The following KHDRBS2 variants were observed in gnomAD, a reference collection of about 807,000 sequenced individuals.
The protein encoded by KHDRBS2 is KH domain-containing, RNA-binding, signal transduction-associated protein 2.
Under a neutral mutation model 44.3 loss-of-function variants are expected in KHDRBS2, and 26 were observed. The observed-to-expected ratio is 0.59, with a 90% confidence interval of 0.43 to 0.81. KHDRBS2 has a LOEUF of 0.81. Among genes scored for constraint, KHDRBS2 ranks in the 40% least tolerant of loss-of-function variants. The probability of loss-of-function intolerance (pLI) is 0.00; values close to 1 mark genes in which losing one functional copy is unlikely to be tolerated. For missense variants in KHDRBS2, 476 were observed against 433.1 expected (o/e 1.10, Z -0.88); for synonymous variants, 194 against 151.1 (o/e 1.28, Z -2.08).
intron 3 of KHDRBS2, among the ~76,000 whole-genome samples, chr6:61,978,891 G>A (rs1254224776): frequency 2.0e-5 from 3 of 151,944 alleles, no homozygotes; most frequent in Non-Finnish European, 2.9e-5. Context: ...ATACTAGGTT[G>A]GTGGAAAAGC....
At chr6:61,988,094 C>A (rs1775408583) in intron 3 of KHDRBS2, among the ~76,000 whole-genome samples, 1 of 152,148 alleles carries the variant, frequency 6.6e-6, no homozygotes, top group Non-Finnish European at 1.5e-5. Context: ...GTTTACTTAT[C>A]TTGGGTTTGT....
At chr6:62,209,539 A>G (rs1585214730) in intron 1 of KHDRBS2, among the ~76,000 whole-genome samples, 1 of 105,020 alleles carries the variant, frequency 9.5e-6, no homozygotes, top group Admixed American at 8.8e-5. Context: ...ACAGATTGCC[A>G]TTTAGAACTA....
chr6:61,677,234 T>A (rs1006820903), downstream of KHDRBS2, among the ~76,000 whole-genome samples: 1 of 151,890 alleles, frequency 6.6e-6, no homozygotes, highest in African/African-American at 2.4e-5. Context: ...TAACAACCTA[T>A]AGCTGGTTGT....
Position 61,950,124 on chromosome 6 carries a change from T to C in KHDRBS2, c.483+27942A>G, listed in dbSNP as rs541813370. Among the ~76,000 whole-genome samples the C allele has an allele frequency of 3.3e-5, 5 of 152,182 alleles. No individual in the cohort carries two copies. The South Asian group carries it at 8.3e-4, about 25-fold the overall frequency. On this transcript the variant is annotated intron_variant, in intron 4 of 8. Transcript: ENST00000281156. ...TCCTGTATGTTTGGGAATAGCACTC[T>C]TTGGCAAGTTTATTGGGTGACAGCT...
chr6:61,569,725 A>G, the KHDRBS2 span, among the ~76,000 whole-genome samples: 43 of 152,268 alleles, frequency 2.8e-4, no homozygotes, highest in Admixed American at 2.7e-3. Context: ...CAGCTAGAAG[A>G]CCTGAAGACA....
chr6:62,171,708 G>A lies in KHDRBS2; in HGVS notation c.219+5477C>T, dbSNP rs549189155. ...GGCAGGCCACCTACAAAGGAAACCC[G>A]ATCTGGCTAACAACAGTCCTATCAG... On this transcript the variant is annotated intron_variant, in intron 2 of 8. Transcript: ENST00000281156. 2.6e-5 allele frequency among the ~76,000 whole-genome samples: 4 copies of A among 152,220 alleles called. No homozygotes were observed. The South Asian group carries it at 6.2e-4, about 24-fold the overall frequency.
intron 6 of KHDRBS2, among the ~76,000 whole-genome samples, chr6:61,774,025 T>C (rs1019848737): frequency 2.0e-5 from 3 of 152,164 alleles, no homozygotes; most frequent in Admixed American, 6.5e-5. Flanking sequence ...GTACCAGTAC[T>C]ATGCTGTTTT....
At position 62,277,534 on chromosome 6, in the gene KHDRBS2, G is replaced by A. The variant is rs139602337; in HGVS notation, c.91+8324C>T. ...TTTTTTTGTATTTTTAGTAGAGATG[G>A]GGTTTCACCGTGTTAGGCAGGATGG... On this transcript the variant is annotated intron_variant, in intron 1 of 8. Transcript: ENST00000281156. 2.6e-3 allele frequency among the ~76,000 whole-genome samples: 389 copies of A among 152,154 alleles called. 2 individuals carry two copies. The highest frequency in any genetic ancestry group is 8.6e-3 in the African/African-American group (356 of 41,512).
chr6:62,252,241 A>T (rs968507355), intron 1 of KHDRBS2, among the ~76,000 whole-genome samples: 6 of 152,042 alleles, frequency 3.9e-5, no homozygotes, highest in African/African-American at 1.4e-4. Context: ...ACTTGTTTGC[A>T]GCAATACTTC....
chr6:61,624,195 T>A, the KHDRBS2 span, among the ~76,000 whole-genome samples: 1 of 152,162 alleles, frequency 6.6e-6, no homozygotes, highest in Non-Finnish European at 1.5e-5. Context: ...AAACGATTTG[T>A]CCAGTGACTT....
the KHDRBS2 span, among the ~76,000 whole-genome samples, chr6:61,610,196 A>G: frequency 1.2e-5 from 1 of 82,374 alleles, no homozygotes; most frequent in African/African-American, 4.4e-5. Flanking sequence ...TTTAAAAAAA[A>G]AAATTGAAAA....
chr6:61,894,663 G>A lies in KHDRBS2; in HGVS notation c.782C>T (p.Pro261Leu), dbSNP rs574426212. The part of the protein sequence containing the change: ...PTVPGYRAPP[P>L]PAHEAYEEYG... Reference sequence around the variant, plus strand: ...TTCTTCATAAGCTTCATGGGCTGGAGGAGGAGGTGCCCTGTATCCTGGCAC... The same window carrying A: ...TTCTTCATAAGCTTCATGGGCTGGAAGAGGAGGTGCCCTGTATCCTGGCAC... Residue 261 changes from proline to leucine, a missense_variant, in exon 6 of 9, where the codon CCT becomes CTT. Physicochemically the swap from Pro to Leu is moderately conservative, Grantham distance 98. Transcript: ENST00000281156. 56 of 1,612,572 alleles carry A rather than the reference G, an allele frequency of 3.5e-5. No individual in the cohort carries two copies. The South Asian group carries it at 6.2e-4, about 18-fold the overall frequency.
chr6:61,879,895 A>G (rs186740823), intron 6 of KHDRBS2, among the ~76,000 whole-genome samples: 8 of 151,916 alleles, frequency 5.3e-5, no homozygotes, highest in Admixed American at 4.6e-4. Context: ...TATATATGTG[A>G]AAATTTGAAA....
chr6:62,232,193 A>ATAT (rs1833000664), intron 1 of KHDRBS2, among the ~76,000 whole-genome samples: 1 of 152,188 alleles, frequency 6.6e-6, no homozygotes, highest in Non-Finnish European at 1.5e-5. Flanking sequence ...ATACAATAAC[A>ATAT]CTGTAATATG....
chr6:61,885,280 C>T lies in KHDRBS2; in HGVS notation c.810+9355G>A, dbSNP rs145247819. On this transcript the variant is annotated intron_variant, in intron 6 of 8. Coordinates refer to ENST00000281156, the MANE Select transcript of KHDRBS2 (RefSeq NM_152688.4). ...AGTTGTTATGGATAGTTTTAAAAAGCGCATTTCTGTTTCACAACTCATTGA... is the reference window on the plus strand; with the variant it reads ...AGTTGTTATGGATAGTTTTAAAAAGTGCATTTCTGTTTCACAACTCATTGA... Among the ~76,000 whole-genome samples, 352 of 152,032 alleles carry T rather than the reference C, an allele frequency of 2.3e-3. 2 individuals carry two copies. The highest frequency in any genetic ancestry group is 8.2e-3 in the African/African-American group (341 of 41,488).
intron 2 of KHDRBS2, among the ~76,000 whole-genome samples, chr6:62,053,530 C>A (rs1437474761): frequency 6.6e-6 from 1 of 151,826 alleles, no homozygotes; most frequent in Non-Finnish European, 1.5e-5. Context: ...AATAAAAAGG[C>A]TAGCATTTTA....
chr6:61,543,214 C>T, the KHDRBS2 span, among the ~76,000 whole-genome samples: 1 of 151,908 alleles, frequency 6.6e-6, no homozygotes, highest in Non-Finnish European at 1.5e-5. Context: ...AACTATCCAT[C>T]TGACAAGGGA....
At chr6:61,704,861 T>C (rs1014673223) in intron 7 of KHDRBS2, among the ~76,000 whole-genome samples, 1 of 151,914 alleles carries the variant, frequency 6.6e-6, no homozygotes, top group Non-Finnish European at 1.5e-5. Context: ...TTTACACCTA[T>C]ATTTCCTTTA....
the KHDRBS2 span, among the ~76,000 whole-genome samples, chr6:61,594,615 G>T: frequency 6.6e-6 from 1 of 152,030 alleles, no homozygotes; most frequent in African/African-American, 2.4e-5. Flanking sequence ...TAATATATCA[G>T]ATTTTTAAGA....
Sources: gnomAD v4.1 joint callset for allele counts (sites outside exome capture counted in the v4.1 genomes callset) on GRCh38, gnomAD v4.1.1 for gene constraint, MANE v1.5 for transcripts, NCBI Gene and HGNC (gene_info 2026-07-23, HGNC 2026-07-21) for gene names.